Variants in CPED1 observed in about 807,000 individuals in gnomAD.
CPED1 encodes the protein cadherin like and PC-esterase domain containing 1.
Under a neutral mutation model 128.2 loss-of-function variants are expected in CPED1, and 114 were observed. That is an observed-to-expected ratio of 0.89 (90% CI 0.76 to 1.04). The LOEUF (loss-of-function observed/expected upper bound fraction) is 1.04. Among genes scored for constraint, CPED1 ranks in the 50% least tolerant of loss-of-function variants. CPED1 has a pLI of 0.00. For missense variants in CPED1, 1,211 were observed against 1,207.1 expected (o/e 1.00, Z -0.05); for synonymous variants, 462 against 426.7 (o/e 1.08, Z -1.02).
chr7:121,236,904 A>G (rs1798272197), intron 17 of CPED1, 73 bp downstream of exon 17: 1 of 678,672 alleles, frequency 1.5e-6, no homozygotes, highest in South Asian at 2.8e-5. Flanking sequence ...GCTTATTTAA[A>G]CTATCCTTTT....
In CPED1 at chr7:121,244,383, T is replaced by G. The variant is rs1311302782; in HGVS notation, c.2310+45T>G. ...GGGGAAGCCTTTAATGTATGCCACC[T>G]GAAGTACTAAAAATCGTATAGTTGT... On this transcript the variant is annotated intron_variant, in intron 18 of 22. Coordinates refer to ENST00000310396, the MANE Select transcript of CPED1 (RefSeq NM_024913.5). 4 of 1,606,204 alleles carry G rather than the reference T, an allele frequency of 2.5e-6. No individual in the cohort carries two copies. The African/African-American group carries it at 5.4e-5, about 22-fold the overall frequency.
At chr7:121,135,996 A>T in intron 13 of CPED1, 44 bp from the exon 14 acceptor site, 2 of 1,381,740 alleles carry the variant, frequency 1.4e-6, no homozygotes, top group Non-Finnish European at 1.9e-6. Context: ...TAACATTTTG[A>T]TTAATGGTTT....
chr7:121,261,757 A>C (rs908563082), intron 18 of CPED1: 1 of 1,557,864 alleles, frequency 6.4e-7, no homozygotes, highest in African/African-American at 1.4e-5. Flanking sequence ...CACCTGGACT[A>C]TTTTTCTGAG....
intron 18 of CPED1, among the ~76,000 whole-genome samples, chr7:121,245,558 G>T (rs541087034): frequency 2.0e-5 from 3 of 152,128 alleles, no homozygotes; most frequent in Non-Finnish European, 4.4e-5. Context: ...TCAAGTAAAT[G>T]AATAAATTAA....
intron 5 of CPED1, among the ~76,000 whole-genome samples, chr7:121,079,227 G>T (rs371695849): frequency 6.6e-6 from 1 of 152,132 alleles, no homozygotes. Flanking sequence ...AAGACAGAAG[G>T]CTGCGAGTAG....
At chr7:121,058,076 C>T (rs1014874454) in intron 4 of CPED1, among the ~76,000 whole-genome samples, 11 of 151,834 alleles carry the variant, frequency 7.2e-5, no homozygotes, top group East Asian at 1.9e-4. Flanking sequence ...GGTTGAGGAA[C>T]GTAAGGAGTT....
In CPED1 at chr7:121,064,294, A is replaced by G. The variant is rs1239510886; in HGVS notation, c.597A>G (p.Gln199=). The G allele has an allele frequency of 1.9e-6, 3 of 1,611,930 alleles. No individual in the cohort carries two copies. The highest frequency in any genetic ancestry group is 1.3e-5 in the African/African-American group (1 of 74,916). ...TTTGCAGAAAGGAAGGATTATGTCA[A>G]ATAGTTAGAAGATTCCCAGGTAATC... ...QPLCRKEGLC[Q]IVRRFPELQL... The change falls in exon 5 of 23, where the codon CAA becomes CAG. Residue 199 remains glutamine (Q), a synonymous_variant. Coordinates refer to ENST00000310396, the MANE Select transcript of CPED1 (RefSeq NM_024913.5).
At chr7:121,282,327 T>C (rs1007300095) in intron 22 of CPED1, among the ~76,000 whole-genome samples, 2 of 152,216 alleles carry the variant, frequency 1.3e-5, no homozygotes, top group African/African-American at 2.4e-5. Flanking sequence ...TAACGTGTAT[T>C]GCAAGCAGCT....
In CPED1 at chr7:121,296,175, C is replaced by A. The variant is rs1792821287; in HGVS notation, c.*523C>A. On this transcript the variant is annotated 3_prime_UTR_variant, in exon 23 of 23. Coordinates refer to ENST00000310396, the MANE Select transcript of CPED1 (RefSeq NM_024913.5). ...AATCTAATGCTTATGAAAAACATTTCTTCCTATACTTTTTAAATTTTATTA... is the reference window on the plus strand; with the variant it reads ...AATCTAATGCTTATGAAAAACATTTATTCCTATACTTTTTAAATTTTATTA... The A allele has an allele frequency of 6.6e-6, 1 of 152,582 alleles. No individual in the cohort carries two copies. The highest frequency in any genetic ancestry group is 2.1e-4 in the South Asian group (1 of 4,824). The allele number at this position is 152,582 out of a possible 1,614,324, so 9.5% of individuals were successfully genotyped here.
chr7:121,242,010 T>C (rs1798407237), intron 17 of CPED1, among the ~76,000 whole-genome samples: 1 of 152,156 alleles, frequency 6.6e-6, no homozygotes, highest in Non-Finnish European at 1.5e-5. Context: ...GGGTACAATC[T>C]GGGTGTGGGA....
At chr7:121,191,952 G>C (rs1797150833) in intron 16 of CPED1, among the ~76,000 whole-genome samples, 1 of 152,030 alleles carries the variant, frequency 6.6e-6, no homozygotes, top group African/African-American at 2.4e-5. Context: ...ACACTTCCTT[G>C]ATGATAAGTG....
intron 18 of CPED1, among the ~76,000 whole-genome samples, chr7:121,252,264 T>C (rs1465070224): frequency 1.3e-5 from 2 of 152,048 alleles, no homozygotes; most frequent in South Asian, 4.2e-4. Context: ...TAGCCATATG[T>C]AGAAAGCTGA....
intron 5 of CPED1, among the ~76,000 whole-genome samples, chr7:121,096,328 ATGTT>A (rs1794698136): frequency 6.6e-6 from 1 of 152,084 alleles, no homozygotes; most frequent in South Asian, 2.1e-4. Context: ...AAATTAGACT[ATGTT>A]AGTATTGATG....
intron 16 of CPED1, among the ~76,000 whole-genome samples, chr7:121,208,094 T>G (rs1446994730): frequency 6.6e-6 from 1 of 152,020 alleles, no homozygotes; most frequent in Non-Finnish European, 1.5e-5. Context: ...AATCTAATTA[T>G]GTTGAGATAG....
intron 5 of CPED1, among the ~76,000 whole-genome samples, chr7:121,084,873 G>A (rs1440887967): frequency 6.6e-6 from 1 of 152,146 alleles, no homozygotes; most frequent in East Asian, 1.9e-4. Context: ...TTAAACAGAT[G>A]TTAGACTTTA....
intron 5 of CPED1, among the ~76,000 whole-genome samples, chr7:121,094,241 A>G (rs1361037825): frequency 6.6e-6 from 1 of 152,242 alleles, no homozygotes; most frequent in African/African-American, 2.4e-5. Context: ...CTAATTTTCT[A>G]ATATCAAAAT....
chr7:121,154,143 T>G (rs1796226053), intron 16 of CPED1, among the ~76,000 whole-genome samples: 1 of 152,242 alleles, frequency 6.6e-6, no homozygotes, highest in African/African-American at 2.4e-5. Context: ...TGTAGCTGGT[T>G]ATTGCAGTGA....
At chr7:121,141,517 G>T (rs1795903911) in intron 15 of CPED1, among the ~76,000 whole-genome samples, 1 of 151,994 alleles carries the variant, frequency 6.6e-6, no homozygotes, top group African/African-American at 2.4e-5. Context: ...CCATGCTGTA[G>T]GGAAGGAAAT....
intron 5 of CPED1, among the ~76,000 whole-genome samples, chr7:121,073,551 A>G (rs1015060432): frequency 3.9e-5 from 6 of 152,190 alleles, no homozygotes; most frequent in Non-Finnish European, 5.9e-5. Context: ...CCCATATCGT[A>G]GAAGGGTTCA....
Sources: gnomAD v4.1 joint callset for allele counts (sites outside exome capture counted in the v4.1 genomes callset) on GRCh38, gnomAD v4.1.1 for gene constraint, MANE v1.5 for transcripts, NCBI Gene and HGNC (gene_info 2026-07-23, HGNC 2026-07-21) for gene names.